ZNF354A: variants seen among roughly 807,000 people sequenced by gnomAD.
ZNF354A encodes the protein zinc finger protein 354A.
ZNF354A carries 25 observed loss-of-function variants against 53.3 expected under a neutral mutation model. The observed-to-expected ratio is 0.47, with a 90% confidence interval of 0.34 to 0.66. The LOEUF is 0.66. Among genes scored for constraint, ZNF354A ranks in the 30% least tolerant of loss-of-function variants. ZNF354A has a pLI of 0.01. For missense variants in ZNF354A, 586 were observed against 716.8 expected, an observed-to-expected ratio of 0.82 and a Z score of 2.08; for synonymous variants, 228 against 249.0, an observed-to-expected ratio of 0.92 and a Z score of 0.79.
chr5:178,719,920 C>CT (rs1281139627), intron 4 of ZNF354A, among the ~76,000 whole-genome samples: 1 of 149,600 alleles, frequency 6.7e-6, no homozygotes, highest in Non-Finnish European at 1.5e-5. Context: ...GCACTCCAGC[C>CT]TGGGCGACAG....
intron 4 of ZNF354A, among the ~76,000 whole-genome samples, chr5:178,719,896 G>A (rs563231283): frequency 2.6e-5 from 4 of 151,310 alleles, no homozygotes; most frequent in South Asian, 2.1e-4. Flanking sequence ...GCAGTGAGCC[G>A]AGATCCCGCC....
chr5:178,726,186 G>C (rs1359428923), intron 3 of ZNF354A: 1 of 455,844 alleles, frequency 2.2e-6, no homozygotes, highest in Non-Finnish European at 4.4e-6. Flanking sequence ...CAAACTACGG[G>C]TCATGGGCCA....
intron 4 of ZNF354A, among the ~76,000 whole-genome samples, chr5:178,719,699 G>A (rs547096506): frequency 2.6e-5 from 4 of 152,184 alleles, no homozygotes; most frequent in African/African-American, 9.7e-5. Context: ...TGTAATCCCA[G>A]CACTTTGGGA....
intron 1 of ZNF354A, among the ~76,000 whole-genome samples, 158 bp downstream of exon 1, chr5:178,730,398 C>T (rs576187909): frequency 5.0e-5 from 7 of 140,804 alleles, no homozygotes; most frequent in African/African-American, 1.7e-4. Context: ...AGGGAGCGCC[C>T]CGCGGGGGGG....
Position 178,720,366 on chromosome 5 carries a change from T to G in ZNF354A, c.256+5010A>C, listed in dbSNP as rs1486211819. Reference sequence around the variant, plus strand: ...ATGGTCTTTGCACGTTCAATCAAATTAAGATGAAGTCATTGGGGTGAGCCC... The same window carrying G: ...ATGGTCTTTGCACGTTCAATCAAATGAAGATGAAGTCATTGGGGTGAGCCC... On this transcript the variant is annotated intron_variant, in intron 4 of 4. Transcript: ENST00000335815. Among the ~76,000 whole-genome samples, 5 of 152,252 alleles carry G rather than the reference T, an allele frequency of 3.3e-5. No homozygotes were observed. In the East Asian group the frequency reaches 9.6e-4, roughly 29 times the overall value.
intron 4 of ZNF354A, among the ~76,000 whole-genome samples, chr5:178,719,246 G>A (rs1024655453): frequency 6.6e-6 from 1 of 152,238 alleles, no homozygotes; most frequent in Non-Finnish European, 1.5e-5. Flanking sequence ...AGTTCCCTAC[G>A]GATCCAGTAA....
Position 178,712,943 on chromosome 5 carries a change from C to G in ZNF354A, c.935G>C (p.Gly312Ala). The G allele has an allele frequency of 1.9e-6, 3 of 1,613,992 alleles. No homozygotes were observed. Among genetic ancestry groups the G allele is most frequent in the East Asian group, 4.5e-5 (2 of 44,870 alleles). Residue 312 changes from glycine (G) to alanine (A), a missense_variant, in exon 5 of 5, where the codon GGC (glycine) becomes GCC (alanine). Physicochemically the swap from Gly to Ala is moderately conservative, Grantham distance 60. Coordinates refer to ENST00000335815, the MANE Select transcript of ZNF354A (RefSeq NM_005649.3). ...ATGAATTTTTTGATGTATAAAAAGG[C>G]CTGACCTTCGGCTGAAGGATTTACC... ...ECGKSFSRRS[G>A]LFIHQKIHAE...
intron 4 of ZNF354A, among the ~76,000 whole-genome samples, chr5:178,719,557 A>G (rs1045536268): frequency 3.3e-5 from 5 of 152,244 alleles, no homozygotes; most frequent in Admixed American, 3.3e-4. Context: ...GCAGCACCCA[A>G]GTCTTTGAAT....
At chr5:178,724,342 A>G (rs55774261) in intron 4 of ZNF354A, among the ~76,000 whole-genome samples, 35,453 of 151,104 alleles carry the variant, frequency 0.23, 4,681 homozygotes, top group South Asian at 0.35. Context: ...CTCCTGTCTC[A>G]GCCTCCGGAG....
chr5:178,712,379 C>T lies in ZNF354A; in HGVS notation c.1499G>A (p.Gly500Glu), dbSNP rs199632980. 4.2e-3 allele frequency: 6,790 copies of T among 1,603,680 alleles called. 86 individuals are homozygous for T. Among genetic ancestry groups the T allele is most frequent in the Middle Eastern group, 9.8e-3 (58 of 5,938 alleles). ...TGATGAGTTACACCTGAATGTTTTC[C>T]CACACTCGTTACATTTATAGGGTCT... is the stretch of plus-strand genomic sequence containing the variant. ...GERPYKCNEC[G>E]KTFRCNSSLS... Residue 500 changes from glycine to glutamate, a missense_variant, in exon 5 of 5, where the codon GGG (glycine) becomes GAG (glutamate). Transcript: ENST00000335815.
chr5:178,725,166 C>T (rs1308661515), intron 4 of ZNF354A, among the ~76,000 whole-genome samples: 1 of 152,202 alleles, frequency 6.6e-6, no homozygotes, highest in Non-Finnish European at 1.5e-5. Flanking sequence ...GAAAATACAG[C>T]CCTATTCTAA....
chr5:178,716,753 G>A (rs1265282442), intron 4 of ZNF354A, among the ~76,000 whole-genome samples: 13 of 152,110 alleles, frequency 8.5e-5, no homozygotes, highest in Admixed American at 5.9e-4. Flanking sequence ...AGAGTAGAGC[G>A]AGAAGAGGGA....
At chr5:178,729,868 C>T (rs779842314) in intron 1 of ZNF354A, among the ~76,000 whole-genome samples, 9 of 114,780 alleles carry the variant, frequency 7.8e-5, no homozygotes, top group Non-Finnish European at 1.4e-4. Context: ...ATTTCTAACA[C>T]GATGTTTCTT....
intron 4 of ZNF354A, among the ~76,000 whole-genome samples, chr5:178,721,730 T>C (rs1357868393): frequency 6.6e-6 from 1 of 152,142 alleles, no homozygotes; most frequent in Non-Finnish European, 1.5e-5. Context: ...GCAACTTCAA[T>C]CATAGACTCA....
At chr5:178,728,458 TACACAA>T (rs1005844065) in intron 2 of ZNF354A, among the ~76,000 whole-genome samples, 16 of 151,806 alleles carry the variant, frequency 1.1e-4, no homozygotes, top group Admixed American at 9.8e-4. Flanking sequence ...GTAACATGCA[TACACAA>T]ACACACACAC....
chr5:178,720,013 G>C (rs6896799), intron 4 of ZNF354A, among the ~76,000 whole-genome samples: 35,864 of 152,102 alleles, frequency 0.24, 4,939 homozygotes, highest in South Asian at 0.39. Flanking sequence ...GAGAACTCAA[G>C]GAGCAATCTG....
At chr5:178,727,335 G>A (rs1026188266) in intron 2 of ZNF354A, among the ~76,000 whole-genome samples, 2 of 152,228 alleles carry the variant, frequency 1.3e-5, no homozygotes, top group Non-Finnish European at 2.9e-5. Context: ...GCCACTGTAA[G>A]AGATGGGTAG....
rs549318296 is a variant in ZNF354A at position 178,721,141 on chromosome 5, C to CT, written c.256+4234dup. On this transcript the variant is annotated intron_variant, in intron 4 of 4. Coordinates refer to ENST00000335815, the MANE Select transcript of ZNF354A (RefSeq NM_005649.3). ...AGAGATAACCATTTTTATTGATCTC[C>CT]TTTTTTTTCTTTTGCTTTTATCTTT... 4.4e-3 allele frequency among the ~76,000 whole-genome samples: 663 copies of CT among 151,948 alleles called. 4 individuals are homozygous for CT. Among genetic ancestry groups the CT allele is most frequent in the Non-Finnish European group, 4.7e-3 (320 of 67,956 alleles).
Position 178,711,966 on chromosome 5 carries a change from T to G in ZNF354A, c.*94A>C, listed in dbSNP as rs575850376. 3 of 1,454,080 alleles carry G rather than the reference T, an allele frequency of 2.1e-6. No individual in the cohort carries two copies. In the African/African-American group the frequency reaches 4.2e-5, roughly 21 times the overall value. The allele number at this position is 1,454,080 out of a possible 1,614,324, so 90.1% of individuals were successfully genotyped here. A position where few individuals can be genotyped will look rare whatever the true frequency, so the allele number is the denominator to read the frequency against. The stretch of plus-strand genomic sequence containing the variant: ...CTAATGAGGGCTAAATTATTACAGT[T>G]TTTTTCACATCCATTACATTTATTA... On this transcript the variant is annotated 3_prime_UTR_variant, in exon 5 of 5. Coordinates refer to ENST00000335815, the MANE Select transcript of ZNF354A (RefSeq NM_005649.3).
Sources: allele counts gnomAD v4.1 joint callset (sites outside exome capture counted in the v4.1 genomes callset), GRCh38; gene constraint gnomAD v4.1.1; transcripts MANE v1.5; gene names NCBI Gene and HGNC (gene_info 2026-07-23, HGNC 2026-07-21).